The following ACACA variants were observed in gnomAD, a reference collection of about 807,000 sequenced individuals.
The protein encoded by ACACA is acetyl-CoA carboxylase 1.
In ACACA, 103 loss-of-function variants were observed where a neutral mutation model predicts 296.1. That is an observed-to-expected ratio of 0.35 (90% CI 0.30 to 0.41). The LOEUF (loss-of-function observed/expected upper bound fraction) is 0.41. ACACA is among the 10% of genes least tolerant of loss of function. The pLI is 1.00. For synonymous variants in ACACA, 953 were observed against 1,038.6 expected, an observed-to-expected ratio of 0.92 and a Z score of 1.58; for missense variants, 1,554 against 2,989.7, an observed-to-expected ratio of 0.52 and a Z score of 11.20.
intron 1 of ACACA, among the ~76,000 whole-genome samples, chr17:37,357,250 T>G (rs1212672578): frequency 6.6e-6 from 1 of 152,152 alleles, no homozygotes; most frequent in African/African-American, 2.4e-5. Flanking sequence ...CCCAGCACTT[T>G]GGGAGGCCGA....
At chr17:37,138,428 T>C (rs1169467205) in intron 45 of ACACA, among the ~76,000 whole-genome samples, 1 of 152,244 alleles carries the variant, frequency 6.6e-6, no homozygotes, top group Non-Finnish European at 1.5e-5. Flanking sequence ...CGTGTGGTTC[T>C]TGCACTTTTA....
intron 14 of ACACA, 32 bp downstream of exon 14, chr17:37,257,671 T>C (rs1408035988): frequency 1.2e-6 from 2 of 1,609,874 alleles, no homozygotes; most frequent in Non-Finnish European, 1.7e-6. Context: ...AAATTTATTT[T>C]GTAAAATGCA....
chr17:37,378,083 A>G (rs1463776518), intron 1 of ACACA: 6 of 932,720 alleles, frequency 6.4e-6, no homozygotes, highest in Non-Finnish European at 8.2e-6. Flanking sequence ...TTTTAAGGAT[A>G]TGTATCCTCC....
intron 24 of ACACA, among the ~76,000 whole-genome samples, chr17:37,238,020 G>A (rs368687461): frequency 6.6e-5 from 10 of 152,102 alleles, no homozygotes; most frequent in African/African-American, 2.2e-4. Context: ...CTTGGCCTCC[G>A]AAAGTGCTAG....
intron 44 of ACACA, 146 bp from the exon 45 acceptor site, chr17:37,150,120 A>C (rs2075974962): frequency 2.7e-6 from 2 of 740,016 alleles, no homozygotes; most frequent in Admixed American, 4.8e-5. Context: ...ACACACACAC[A>C]CAAATTTCAT....
intron 41 of ACACA, among the ~76,000 whole-genome samples, chr17:37,164,056 C>T (rs1055089970): frequency 6.8e-6 from 1 of 147,052 alleles, no homozygotes; most frequent in Non-Finnish European, 1.5e-5. Flanking sequence ...TTTTTTTCCC[C>T]CTTTCTTTCT....
intron 52 of ACACA, among the ~76,000 whole-genome samples, chr17:37,106,278 T>C (rs1207576298): frequency 2.6e-5 from 4 of 152,214 alleles, no homozygotes; most frequent in African/African-American, 9.6e-5. Context: ...AGCTATTTTA[T>C]GAGGAACCCT....
rs530389523 is a variant in ACACA at position 37,363,644 on chromosome 17, G to C, written c.39-23794C>G. On this transcript the variant is annotated intron_variant, in intron 1 of 55. Coordinates refer to ENST00000616317, the MANE Select transcript of ACACA (RefSeq NM_198834.3). ...CTCTTAGGACAAGAAAGTCTCTCAA[G>C]TCAGGTTTGAGTTGAATCAAGGGAG... Among the ~76,000 whole-genome samples, 3 of 152,240 alleles carry C rather than the reference G, an allele frequency of 2.0e-5. No homozygotes were observed. In the South Asian group the frequency reaches 6.2e-4, roughly 32 times the overall value.
At chr17:37,262,269 G>A (rs1172399547) in intron 11 of ACACA, among the ~76,000 whole-genome samples, 2 of 152,118 alleles carry the variant, frequency 1.3e-5, no homozygotes, top group African/African-American at 4.8e-5. Context: ...TTTGTGCTAG[G>A]TATAATTGTG....
At chr17:37,271,303 G>A (rs538446605) in intron 9 of ACACA, among the ~76,000 whole-genome samples, 197 of 152,258 alleles carry the variant, frequency 1.3e-3, no homozygotes, top group Non-Finnish European at 2.3e-3. Context: ...ATCACCTGAG[G>A]TCGGGAGTTC....
At chr17:37,268,834 A>G (rs1457460244) in intron 10 of ACACA, among the ~76,000 whole-genome samples, 1 of 148,790 alleles carries the variant, frequency 6.7e-6, no homozygotes, top group East Asian at 1.9e-4. Context: ...TAGTATTGAA[A>G]CTTAAGGACT....
intron 1 of ACACA, among the ~76,000 whole-genome samples, chr17:37,386,608 T>C (rs1012824062): frequency 6.6e-6 from 1 of 151,492 alleles, no homozygotes; most frequent in Non-Finnish European, 1.5e-5. Context: ...AACAACAAAA[T>C]TAGCTTCTCT....
chr17:37,324,417 C>G (rs961536374), intron 3 of ACACA, among the ~76,000 whole-genome samples: 12 of 151,404 alleles, frequency 7.9e-5, no homozygotes, highest in African/African-American at 2.9e-4. Flanking sequence ...CACCCATACT[C>G]CCAGCACTTT....
chr17:37,091,855 C>T (rs879704101), intron 54 of ACACA, among the ~76,000 whole-genome samples: 1 of 152,014 alleles, frequency 6.6e-6, no homozygotes, highest in Non-Finnish European at 1.5e-5. Flanking sequence ...GGATTATAGG[C>T]GTGTGCCACT....
chr17:37,346,346 G>A (rs2048618281), intron 1 of ACACA, among the ~76,000 whole-genome samples: 1 of 147,840 alleles, frequency 6.8e-6, no homozygotes, highest in Non-Finnish European at 1.5e-5. Flanking sequence ...TTATGGCTAT[G>A]TAAGATATTA....
chr17:37,085,562 T>C lies in ACACA; in HGVS notation c.*1754A>G. The stretch of plus-strand genomic sequence containing the variant: ...CAAATAGCCAGCAATGGTCAATGCA[T>C]TTTCCTGGACTGAGAATTGTCCCCC... On this transcript the variant is annotated 3_prime_UTR_variant, in exon 56 of 56. Coordinates refer to ENST00000616317, the MANE Select transcript of ACACA (RefSeq NM_198834.3). The C allele has an allele frequency of 2.5e-6, 1 of 398,684 alleles. No individual in the cohort carries two copies. The highest frequency in any genetic ancestry group is 2.1e-5 in the African/African-American group (1 of 48,760). 24.7% of individuals were successfully genotyped at this position (398,684 alleles called of 1,614,324 possible).
intron 41 of ACACA, among the ~76,000 whole-genome samples, chr17:37,178,156 T>C (rs1370053643): frequency 2.6e-5 from 4 of 152,222 alleles, no homozygotes; most frequent in Admixed American, 1.3e-4. Flanking sequence ...ATCATTGTTA[T>C]AACTGTACAT....
At chr17:37,116,625 C>A (rs1228133890) in intron 50 of ACACA, among the ~76,000 whole-genome samples, 2 of 152,144 alleles carry the variant, frequency 1.3e-5, no homozygotes, top group Admixed American at 6.5e-5. Flanking sequence ...AGACCCACAG[C>A]CCAACCATCA....
intron 49 of ACACA, 149 bp from the exon 50 acceptor site, chr17:37,121,639 G>A (rs927996673): frequency 4.5e-5 from 47 of 1,043,286 alleles, no homozygotes; most frequent in Admixed American, 6.4e-5. Flanking sequence ...CATGTTTGGA[G>A]TAAAAAAGAA....
Sources: allele counts gnomAD v4.1 joint callset (sites outside exome capture counted in the v4.1 genomes callset), GRCh38; gene constraint gnomAD v4.1.1; transcripts MANE v1.5; gene names NCBI Gene and HGNC (gene_info 2026-07-23, HGNC 2026-07-21).